ETV6: variants seen among roughly 807,000 people sequenced by gnomAD.
ETV6 encodes the protein transcription factor ETV6.
Under a neutral mutation model 51.1 loss-of-function variants are expected in ETV6, and 16 were observed. The ratio of observed to expected loss-of-function variants is 0.31; its 90% CI spans 0.21 to 0.48. The LOEUF (loss-of-function observed/expected upper bound fraction) is 0.48, where lower values mean the gene tolerates loss of function less well. Among genes scored for constraint, ETV6 ranks in the 20% least tolerant of loss-of-function variants. ETV6 has a pLI of 0.99. For missense variants in ETV6, 458 were observed against 594.8 expected (o/e 0.77, Z 2.39); for synonymous variants, 240 against 224.1 (o/e 1.07, Z -0.64).
At chr12:11,718,930 T>C (rs1043518347) in intron 1 of ETV6, among the ~76,000 whole-genome samples, 1 of 152,200 alleles carries the variant, frequency 6.6e-6, no homozygotes, top group Non-Finnish European at 1.5e-5. Context: ...GAAAGAGTCA[T>C]TCAGACAGGC....
chr12:11,798,652 C>G (rs1192758781), intron 2 of ETV6, among the ~76,000 whole-genome samples: 1 of 152,154 alleles, frequency 6.6e-6, no homozygotes. Flanking sequence ...CTCAATCACT[C>G]TGTAGCCATG....
At chr12:11,875,243 A>G (rs868722405) in intron 5 of ETV6, among the ~76,000 whole-genome samples, 1 of 152,236 alleles carries the variant, frequency 6.6e-6, no homozygotes, top group Non-Finnish European at 1.5e-5. Context: ...ACTGTTATTA[A>G]GAATTTACCA....
At chr12:11,695,618 TGTTA>T (rs768713730) in intron 1 of ETV6, among the ~76,000 whole-genome samples, 1 of 152,252 alleles carries the variant, frequency 6.6e-6, no homozygotes, top group Non-Finnish European at 1.5e-5. Flanking sequence ...GGGTTTCATC[TGTTA>T]GTTCTGCAAC....
chr12:11,744,773 C>T (rs1865875687), intron 1 of ETV6, among the ~76,000 whole-genome samples: 1 of 152,154 alleles, frequency 6.6e-6, no homozygotes, highest in African/African-American at 2.4e-5. Flanking sequence ...CCTGCGTGTA[C>T]ATCCACACTG....
At chr12:11,652,948 G>C (rs1863934254) in intron 1 of ETV6, among the ~76,000 whole-genome samples, 2 of 152,126 alleles carry the variant, frequency 1.3e-5, no homozygotes, top group Non-Finnish European at 2.9e-5. Context: ...TTTTACGGTA[G>C]AAGAGAGGTT....
At chr12:11,885,803 C>A in intron 6 of ETV6, 123 bp from the exon 7 acceptor site, 1 of 664,630 alleles carries the variant, frequency 1.5e-6, no homozygotes, top group Non-Finnish European at 2.6e-6. Flanking sequence ...GCTTCCCAAA[C>A]TGGCAGGGCC....
At chr12:11,876,221 T>C (rs1946980365) in intron 5 of ETV6, among the ~76,000 whole-genome samples, 2 of 152,320 alleles carry the variant, frequency 1.3e-5, no homozygotes, top group South Asian at 4.2e-4. Context: ...ATAAATAAAA[T>C]ACTAAGTATT....
rs2136541946 is a variant in ETV6 at position 11,870,031 on chromosome 12, CCT to C, written c.1009+63_1009+64del. ...GGGACCTGACAAAGTCCCACTCTCC[CCT>C]GTGATCTTTGCAGCCAGCCTCGCAC... On this transcript the variant is annotated intron_variant, in intron 5 of 7. Transcript: ENST00000396373. 2.0e-6 allele frequency: 3 copies of C among 1,531,338 alleles called. No individual in the cohort carries two copies. The Admixed American group carries it at 5.5e-5, about 28-fold the overall frequency. The allele number at this position is 1,531,338 out of a possible 1,614,324, so 94.9% of individuals were successfully genotyped here. A position where few individuals can be genotyped will look rare whatever the true frequency, so the allele number is the denominator to read the frequency against.
chr12:11,877,755 C>T (rs546562111), intron 5 of ETV6, among the ~76,000 whole-genome samples: 176 of 152,160 alleles, frequency 1.2e-3, no homozygotes, highest in Middle Eastern at 3.2e-3. Context: ...TTCTTGACTC[C>T]CAAGCAGGTG....
chr12:11,875,061 C>T (rs1482401368), intron 5 of ETV6, among the ~76,000 whole-genome samples: 3 of 151,606 alleles, frequency 2.0e-5, no homozygotes, highest in Non-Finnish European at 2.9e-5. Flanking sequence ...AAAAAAGATA[C>T]ATGCAAATTT....
intron 2 of ETV6, among the ~76,000 whole-genome samples, chr12:11,764,692 T>TA (rs1424453536): frequency 3.3e-5 from 5 of 152,204 alleles, no homozygotes; most frequent in Admixed American, 3.3e-4. Flanking sequence ...GGGAAGGAGC[T>TA]ACCAGAGCTG....
chr12:11,697,202 C>T (rs1242374910), intron 1 of ETV6, among the ~76,000 whole-genome samples: 2 of 152,144 alleles, frequency 1.3e-5, no homozygotes, highest in Non-Finnish European at 2.9e-5. Flanking sequence ...TTCTTGGGGA[C>T]TGACAGCAAT....
At position 11,659,279 on chromosome 12, in the gene ETV6, A is replaced by C. The variant is rs142144868; in HGVS notation, c.33+9119A>C. ...TTGCTGTGGACCTAAATTCGATCCTAAGTCATTCTTTGTATGTACATGGCA... is the reference window on the plus strand; with the variant it reads ...TTGCTGTGGACCTAAATTCGATCCTCAGTCATTCTTTGTATGTACATGGCA... On this transcript the variant is annotated intron_variant, in intron 1 of 7. Transcript: ENST00000396373. Among the ~76,000 whole-genome samples the C allele has an allele frequency of 1.1e-4, 17 of 152,308 alleles. No homozygotes were observed. The East Asian group carries it at 3.3e-3, about 29-fold the overall frequency.
At chr12:11,656,678 G>A (rs5022566) in intron 1 of ETV6, among the ~76,000 whole-genome samples, 3 of 152,158 alleles carry the variant, frequency 2.0e-5, no homozygotes, top group Admixed American at 6.5e-5. Context: ...TCTTTTCCTT[G>A]TGTTTTTCTT....
chr12:11,664,519 T>C (rs1864159245), intron 1 of ETV6, among the ~76,000 whole-genome samples: 1 of 152,136 alleles, frequency 6.6e-6, no homozygotes, highest in Non-Finnish European at 1.5e-5. Flanking sequence ...AGAAGGGTAG[T>C]AAATGAATGG....
At chr12:11,824,728 C>T (rs919827620) in intron 2 of ETV6, among the ~76,000 whole-genome samples, 38 of 151,984 alleles carry the variant, frequency 2.5e-4, no homozygotes, top group Admixed American at 2.1e-3. Context: ...GCCTAGATCG[C>T]GCTAATGCAC....
chr12:11,728,194 C>T (rs867459488), intron 1 of ETV6, among the ~76,000 whole-genome samples: 12 of 152,334 alleles, frequency 7.9e-5, no homozygotes, highest in Middle Eastern at 6.8e-3. Flanking sequence ...CACCTGTCTA[C>T]TCCTTCTTCA....
At position 11,698,433 on chromosome 12, in the gene ETV6, C is replaced by A. The variant is rs139775694; in HGVS notation, c.33+48273C>A. Among the ~76,000 whole-genome samples, 55 of 152,322 alleles carry A rather than the reference C, an allele frequency of 3.6e-4. No homozygotes were observed. The East Asian group carries it at 6.4e-3, about 18-fold the overall frequency. On this transcript the variant is annotated intron_variant, in intron 1 of 7. Transcript: ENST00000396373. The stretch of plus-strand genomic sequence containing the variant: ...GTGTTAGCCAGGGCTGTGTTCTGAT[C>A]TGAGGCTTGACTGAGGAAGAACCCA...
At chr12:11,854,986 A>G (rs2238125) in intron 4 of ETV6, among the ~76,000 whole-genome samples, 10,615 of 152,094 alleles carry the variant, frequency 0.07, 489 homozygotes, top group African/African-American at 0.13. Flanking sequence ...GTTGGGGCAC[A>G]GAAATAGAGT....
Sources: allele counts gnomAD v4.1 joint callset (sites outside exome capture counted in the v4.1 genomes callset), GRCh38; gene constraint gnomAD v4.1.1; transcripts MANE v1.5; gene names NCBI Gene and HGNC (gene_info 2026-07-23, HGNC 2026-07-21).